CCDC6: variants seen among roughly 807,000 people sequenced by gnomAD.
The protein encoded by CCDC6 is coiled-coil domain-containing protein 6.
CCDC6 carries 20 observed loss-of-function variants against 56.6 expected under a neutral mutation model. That is an observed-to-expected ratio of 0.35 (90% CI 0.25 to 0.51). The LOEUF (loss-of-function observed/expected upper bound fraction) is 0.51. CCDC6 is among the 20% of genes least tolerant of loss of function. The pLI is 0.95. For missense variants in CCDC6, 367 were observed against 601.1 expected (o/e 0.61, Z 4.07); for synonymous variants, 241 against 234.4 (o/e 1.03, Z -0.26).
At chr10:59,847,286 C>T (rs538802570) in intron 2 of CCDC6, among the ~76,000 whole-genome samples, 1 of 106,462 alleles carries the variant, frequency 9.4e-6, no homozygotes, top group East Asian at 2.1e-4. Flanking sequence ...ATCTCCTGAC[C>T]TCGTGATCCG....
chr10:59,829,213 G>A (rs2070814776), intron 3 of CCDC6, among the ~76,000 whole-genome samples: 1 of 152,178 alleles, frequency 6.6e-6, no homozygotes, highest in Admixed American at 6.5e-5. Context: ...AGAACAGAAA[G>A]GAGCCAACTC....
chr10:59,851,957 C>T (rs952593346), intron 2 of CCDC6, among the ~76,000 whole-genome samples: 23 of 152,096 alleles, frequency 1.5e-4, no homozygotes, highest in Non-Finnish European at 2.9e-4. Flanking sequence ...GAATGAGCCT[C>T]TGAAGTAGAG....
At chr10:59,824,495 G>T (rs2070770995) in intron 3 of CCDC6, among the ~76,000 whole-genome samples, 1 of 152,160 alleles carries the variant, frequency 6.6e-6, no homozygotes, top group Non-Finnish European at 1.5e-5. Context: ...AAGCTTCTCA[G>T]GCAACTGAAA....
chr10:59,806,715 G>A (rs2070626827), intron 6 of CCDC6: 1 of 467,432 alleles, frequency 2.1e-6, no homozygotes, highest in African/African-American at 1.9e-5. Context: ...TTAGAGAGGT[G>A]ATTTTTTTCA....
chr10:59,869,754 G>A (rs1444577202), intron 1 of CCDC6, among the ~76,000 whole-genome samples: 2 of 152,034 alleles, frequency 1.3e-5, no homozygotes, highest in Non-Finnish European at 2.9e-5. Flanking sequence ...ACCCTCCAAA[G>A]GCTTCCCATC....
Position 59,818,503 on chromosome 10 carries a change from G to GGA in CCDC6, c.583-3749_583-3748insTC, listed in dbSNP as rs1554883223. Among the ~76,000 whole-genome samples the GGA allele has an allele frequency of 1.0e-3, 143 of 139,840 alleles. 9 individuals carry two copies. The highest frequency in any genetic ancestry group is 3.3e-3 in the African/African-American group (127 of 38,376). The allele number at this position is 139,840 out of a possible 152,430, so 91.7% of individuals were successfully genotyped here. A position where few individuals can be genotyped will look rare whatever the true frequency, so the allele number is the denominator to read the frequency against. On this transcript the variant is annotated intron_variant, in intron 3 of 8. Coordinates refer to ENST00000263102, the MANE Select transcript of CCDC6 (RefSeq NM_005436.5). ...TTTTATTATAATGTTGACGGGGGGG[G>GGA]GGGAAGCAGATTCTCAGTGGGGCCT...
chr10:59,861,432 C>CA (rs55716341), intron 1 of CCDC6, among the ~76,000 whole-genome samples: 29,657 of 88,824 alleles, frequency 0.33, 4,452 homozygotes, highest in Non-Finnish European at 0.43. Flanking sequence ...CAAAAATTAC[C>CA]AAAAAAAAAA....
intron 1 of CCDC6, among the ~76,000 whole-genome samples, chr10:59,885,910 A>T (rs1195414266): frequency 2.0e-5 from 1 of 49,018 alleles, no homozygotes; most frequent in Non-Finnish European, 4.0e-5. Context: ...TCTATTTCCA[A>T]CCCCGCCCCC....
chr10:59,805,727 C>T (rs1057322986), intron 6 of CCDC6, among the ~76,000 whole-genome samples: 1 of 152,016 alleles, frequency 6.6e-6, no homozygotes, highest in African/African-American at 2.4e-5. Context: ...TTATTATTTC[C>T]AAATGAAGAG....
chr10:59,888,643 C>A (rs1397060980), intron 1 of CCDC6, among the ~76,000 whole-genome samples: 1 of 152,178 alleles, frequency 6.6e-6, no homozygotes, highest in East Asian at 1.9e-4. Flanking sequence ...GTGATGTTTA[C>A]CTTTCAAACA....
Position 59,790,174 on chromosome 10 carries a change from AG to A in CCDC6, c.*2742del, listed in dbSNP as rs1487357606. The A allele has an allele frequency of 1.4e-5, 3 of 216,086 alleles. No homozygotes were observed. The highest frequency in any genetic ancestry group is 2.8e-5 in the Non-Finnish European group (3 of 107,062). 13.4% of individuals were successfully genotyped at this position (216,086 alleles called of 1,614,324 possible). On this transcript the variant is annotated 3_prime_UTR_variant, in exon 9 of 9. Transcript: ENST00000263102. ...GTAAGTTAATTTGGTTTTGTATAAAAGGCATGGTAATCTGGCAACAGAGTAC... is the reference window on the plus strand; with the variant it reads ...GTAAGTTAATTTGGTTTTGTATAAAAGCATGGTAATCTGGCAACAGAGTAC...
At chr10:59,837,323 G>A (rs535922137) in intron 2 of CCDC6, among the ~76,000 whole-genome samples, 4 of 152,316 alleles carry the variant, frequency 2.6e-5, no homozygotes, top group African/African-American at 9.6e-5. Context: ...CATGCAGCAG[G>A]TTTGCTGGAT....
At chr10:59,863,401 T>C (rs986798027) in intron 1 of CCDC6, among the ~76,000 whole-genome samples, 25 of 152,242 alleles carry the variant, frequency 1.6e-4, no homozygotes, top group Admixed American at 2.6e-4. Flanking sequence ...TTAGAATTCA[T>C]AGATGTTACA....
intron 3 of CCDC6, among the ~76,000 whole-genome samples, chr10:59,816,821 C>T (rs932460055): frequency 6.6e-6 from 1 of 152,168 alleles, no homozygotes; most frequent in African/African-American, 2.4e-5. Flanking sequence ...AGAATAACAT[C>T]TGGCACCTTA....
intron 1 of CCDC6, among the ~76,000 whole-genome samples, chr10:59,884,829 C>T (rs575511242): frequency 6.1e-4 from 93 of 152,172 alleles, no homozygotes; most frequent in African/African-American, 2.0e-3. Context: ...TTTGGGAGGC[C>T]GAGGCGGGCA....
At chr10:59,806,413 A>T (rs1386805865) in intron 6 of CCDC6, 1 of 151,512 alleles carries the variant, frequency 6.6e-6, no homozygotes, top group Non-Finnish European at 1.5e-5. Context: ...CATTAGTTTT[A>T]TTTTTTTTTA....
At position 59,792,388 on chromosome 10, in the gene CCDC6, T is replaced by C. The variant is rs1328849539; in HGVS notation, c.*529A>G. On this transcript the variant is annotated 3_prime_UTR_variant, in exon 9 of 9. Coordinates refer to ENST00000263102, the MANE Select transcript of CCDC6 (RefSeq NM_005436.5). ...AGAAAGTTCTGTTAAACAGAAAATA[T>C]GTCTTGGGCACTGATTCATCTAACT... 2 of 397,744 alleles carry C rather than the reference T, an allele frequency of 5.0e-6. No individual in the cohort carries two copies. The highest frequency in any genetic ancestry group is 9.5e-6 in the Non-Finnish European group (2 of 210,230). The allele number at this position is 397,744 out of a possible 1,614,324, so 24.6% of individuals were successfully genotyped here.
At chr10:59,819,766 G>GCAATA (rs2070736967) in intron 3 of CCDC6, among the ~76,000 whole-genome samples, 1 of 152,096 alleles carries the variant, frequency 6.6e-6, no homozygotes, top group South Asian at 2.1e-4. Flanking sequence ...TGGTGTTCAT[G>GCAATA]CAATACGTAC....
intron 3 of CCDC6, among the ~76,000 whole-genome samples, chr10:59,825,000 G>A (rs2070776543): frequency 6.6e-6 from 1 of 152,142 alleles, no homozygotes; most frequent in African/African-American, 2.4e-5. Context: ...ACAAAAATCG[G>A]TAGGTGCTCT....
Sources: allele counts gnomAD v4.1 joint callset (sites outside exome capture counted in the v4.1 genomes callset), GRCh38; gene constraint gnomAD v4.1.1; transcripts MANE v1.5; gene names NCBI Gene and HGNC (gene_info 2026-07-23, HGNC 2026-07-21).